The following TTN variants were observed in gnomAD, a reference collection of about 807,000 sequenced individuals.
TTN encodes the protein titin.
A neutral mutation model predicts 3,223.0 loss-of-function variants in TTN; 1,525 were observed. The ratio of observed to expected loss-of-function variants is 0.47; its 90% CI spans 0.45 to 0.49. TTN has a LOEUF of 0.49. Ranked by LOEUF, TTN falls within the 20% of genes least tolerant of loss-of-function variation. The pLI, the probability that TTN is intolerant of heterozygous loss-of-function variation, is 0.00. For missense variants in TTN, 40,786 were observed against 43,424.0 expected, an observed-to-expected ratio of 0.94 and a Z score of 5.40; for synonymous variants, 14,094 against 15,161.0, an observed-to-expected ratio of 0.93 and a Z score of 5.17.
At chr2:178,685,682 A>C in intron 127 of TTN, 84 bp from the exon 128 acceptor site, 2 of 1,360,000 alleles carry the variant, frequency 1.5e-6, no homozygotes, top group South Asian at 2.7e-5. Flanking sequence ...TTCAAAGAGT[A>C]ATCAAAATAG....
chr2:178,800,771 C>T (rs918431423), intron 3 of TTN, 89 bp from the exon 4 acceptor site: 5 of 1,432,148 alleles, frequency 3.5e-6, no homozygotes, highest in South Asian at 1.4e-5. Flanking sequence ...AATTCCAAAA[C>T]CAGGTGATGA....
At position 178,526,987 on chromosome 2, in the gene TTN, G is replaced by A. The variant is rs370597649; in HGVS notation, c.*25C>T. The A allele has an allele frequency of 1.0e-4, 163 of 1,572,358 alleles. No individual in the cohort carries two copies. The highest frequency in any genetic ancestry group is 1.4e-4 in the Non-Finnish European group (159 of 1,155,860). ...CGTTTGCGAAAAGTTAAGAATGAGT[G>A]TAGAGTATAAGGGCACAGGCCCTCT... is the stretch of plus-strand genomic sequence containing the variant. On this transcript the variant is annotated 3_prime_UTR_variant, in exon 363 of 363. Coordinates refer to ENST00000589042, the MANE Select transcript of TTN (RefSeq NM_001267550.2).
Position 178,601,370 on chromosome 2 carries a change from G to C in TTN, c.55627C>G (p.Leu18543Val), listed in dbSNP as rs374878433. ...CGSTTFVVPD[L>V]LSEQQYFFRV... is the part of the protein sequence containing the mutation. ...AAGAAATATTGCTGTTCAGAGAGGA[G>C]ATCAGGCACTACAAATGTGGTGCTT... Residue 18543 changes from leucine (L) to valine (V), a missense_variant, in exon 287 of 363, where the codon CTC becomes GTC. Transcript: ENST00000589042. 4 of 1,612,720 alleles carry C rather than the reference G, an allele frequency of 2.5e-6. No individual in the cohort carries two copies. The highest frequency in any genetic ancestry group is 3.4e-6 in the Non-Finnish European group (4 of 1,179,284).
At position 178,583,021 on chromosome 2, in the gene TTN, G is replaced by A. The variant is rs371856109; in HGVS notation, c.65782C>T (p.Arg21928Trp). 6.8e-5 allele frequency: 109 copies of A among 1,606,816 alleles called. 1 individual carries two copies. Among genetic ancestry groups the A allele is most frequent in the Admixed American group, 8.4e-5 (5 of 59,586 alleles). The change falls in exon 313 of 363, where the codon CGG becomes TGG. Residue 21928 changes from arginine (R) to tryptophan (W), a missense_variant. Arg to Trp is a moderately radical substitution (Grantham distance 101). Transcript: ENST00000589042. ...LCTLELFSVN[R>W]KDSGDYTITA... Reference sequence around the variant, plus strand: ...ATGGTATAGTCTCCTGAGTCCTTCCGGTTCACGCTGAATAGCTCCAAGGTG... The same window carrying A: ...ATGGTATAGTCTCCTGAGTCCTTCCAGTTCACGCTGAATAGCTCCAAGGTG...
Position 178,543,255 on chromosome 2 carries a change from C to T in TTN, c.96718G>A (p.Glu32240Lys), listed in dbSNP as rs374598326. ...CTCTCTGTGCCAGCTTTGCAGGCCTCGAGAACATATCCAGTGAGTCGGCTA... is the reference window on the plus strand; with the variant it reads ...CTCTCTGTGCCAGCTTTGCAGGCCTTGAGAACATATCCAGTGAGTCGGCTA... The part of the protein sequence containing the change: ...GGSRLTGYVL[E>K]ACKAGTERWM... The change falls in exon 347 of 363, where the codon GAG (glutamate) becomes AAG (lysine). Residue 32240 changes from glutamate to lysine, a missense_variant. Physicochemically the swap from Glu to Lys is moderately conservative, Grantham distance 56. Coordinates refer to ENST00000589042, the MANE Select transcript of TTN (RefSeq NM_001267550.2). The T allele has an allele frequency of 1.6e-5, 26 of 1,613,616 alleles. No individual in the cohort carries two copies. The highest frequency in any genetic ancestry group is 4.0e-5 in the African/African-American group (3 of 74,858).
chr2:178,651,554 A>G lies in TTN; in HGVS notation c.39464-18T>C. On this transcript the variant is annotated intron_variant, in intron 206 of 362. Coordinates refer to ENST00000589042, the MANE Select transcript of TTN (RefSeq NM_001267550.2). ...CTCGGGCACTATAAAAGATATTAGTAGTTGTTTAAGCTCATGGTTTCAATG... is the reference window on the plus strand; with the variant it reads ...CTCGGGCACTATAAAAGATATTAGTGGTTGTTTAAGCTCATGGTTTCAATG... 1 of 1,612,352 alleles carries G rather than the reference A, an allele frequency of 6.2e-7. No homozygotes were observed. The highest frequency in any genetic ancestry group is 8.5e-7 in the Non-Finnish European group (1 of 1,179,262).
Position 178,625,266 on chromosome 2 carries a change from T to G in TTN, c.44548+7A>C. On this transcript the variant is annotated splice_region_variant and intron_variant, in intron 241 of 362. Transcript: ENST00000589042. Reference sequence around the variant, plus strand: ...ATACATGTTTTTAAAATAAGCCTTGTAATTACCTTTCACAAAGAGGTTGGC... The same window carrying G: ...ATACATGTTTTTAAAATAAGCCTTGGAATTACCTTTCACAAAGAGGTTGGC... 6.2e-7 allele frequency: 1 copy of G among 1,604,724 alleles called. No homozygotes were observed. The highest frequency in any genetic ancestry group is 8.5e-7 in the Non-Finnish European group (1 of 1,175,898).
In TTN at chr2:178,595,683, C is replaced by T. The variant is rs779279322; in HGVS notation, c.57671G>A (p.Arg19224His). The T allele has an allele frequency of 2.8e-5, 45 of 1,608,318 alleles. No individual in the cohort carries two copies. The highest frequency in any genetic ancestry group is 9.0e-5 in the East Asian group (4 of 44,436). ...GGTCCATGCTCTGCGGTCAGATTCA[C>T]GCTTTTCAATGACATAATTGGTGAT... ...SPITNYVIEK[R>H]ESDRRAWTPV... Residue 19224 changes from arginine (R) to histidine (H), a missense_variant, in exon 295 of 363, where the codon CGT (arginine) becomes CAT (histidine). Transcript: ENST00000589042.
At position 178,570,848 on chromosome 2, in the gene TTN, T is replaced by C; in HGVS notation, c.75284A>G (p.Glu25095Gly). The change falls in exon 326 of 363, where the codon GAA becomes GGA. Residue 25095 changes from glutamate (E) to glycine (G), a missense_variant. By Grantham distance (98) the Glu-to-Gly change is moderately conservative (BLOSUM62 -2). Coordinates refer to ENST00000589042, the MANE Select transcript of TTN (RefSeq NM_001267550.2). ...TCTAGCTGTTATTGCTCCTGTGCTT[T>C]CTGAAGGCTCACTAAACACTCCTGC... Reference protein sequence around the residue: ...NAAGVFSEPSESTGAITARDE... With the variant: ...NAAGVFSEPSGSTGAITARDE... 6.2e-7 allele frequency: 1 copy of C among 1,613,552 alleles called. No homozygotes were observed. The highest frequency in any genetic ancestry group is 8.5e-7 in the Non-Finnish European group (1 of 1,179,612).
chr2:178,646,432 AT>A (rs970645004), intron 216 of TTN, 52 bp downstream of exon 216: 1 of 1,223,016 alleles, frequency 8.2e-7, no homozygotes, highest in Non-Finnish European at 1.2e-6. Flanking sequence ...AACCATATAC[AT>A]TTCAAGAGAA....
chr2:178,589,642 C>T lies in TTN; in HGVS notation c.62083G>A (p.Asp20695Asn). The T allele has an allele frequency of 4.3e-6, 7 of 1,613,480 alleles. No individual in the cohort carries two copies. Among genetic ancestry groups the T allele is most frequent in the Non-Finnish European group, 5.9e-6 (7 of 1,179,594 alleles). Residue 20695 changes from aspartate (D) to asparagine (N), a missense_variant, in exon 304 of 363, where the codon GAT (aspartate) becomes AAT (asparagine). Asp to Asn is a conservative substitution (Grantham distance 23, BLOSUM62 1). Transcript: ENST00000589042. Reference sequence around the variant, plus strand: ...TATGACAGATTTGGACTGCCACCATCATAGTCAGGCCTCCGCCACTTTAGA... The same window carrying T: ...TATGACAGATTTGGACTGCCACCATTATAGTCAGGCCTCCGCCACTTTAGA... Reference protein sequence around the residue: ...VYLKWRRPDYDGGSPNLSYHV... With the variant: ...VYLKWRRPDYNGGSPNLSYHV...
rs1413695407 is a variant in TTN, at chr2:178,664,680, C to T, written c.36176G>A (p.Arg12059Lys). Residue 12059 changes from arginine (R) to lysine (K), a missense_variant, in exon 167 of 363, where the codon AGA becomes AAA. By Grantham distance (26) the Arg-to-Lys change is conservative (BLOSUM62 2). Transcript: ENST00000589042. ...TTCATCAGGAAGGACTTCAGGCTTTCTGAGAGGAACCACAAGCGTTTTCTT... is the reference window on the plus strand; with the variant it reads ...TTCATCAGGAAGGACTTCAGGCTTTTTGAGAGGAACCACAAGCGTTTTCTT... ...PEKKTLVVPL[R>K]KPEVLPDEVP... 5 of 1,612,354 alleles carry T rather than the reference C, an allele frequency of 3.1e-6. No homozygotes were observed. The highest frequency in any genetic ancestry group is 4.2e-6 in the Non-Finnish European group (5 of 1,179,714).
intron 281 of TTN, 132 bp downstream of exon 281, chr2:178,604,576 A>G: frequency 2.9e-6 from 3 of 1,045,162 alleles, no homozygotes; most frequent in Admixed American, 6.0e-5. Flanking sequence ...GCTAAACACT[A>G]CAATAACAAA....
rs777534842 is a variant in TTN at position 178,633,840 on chromosome 2, G to A, written c.42659C>T (p.Ser14220Phe). The A allele has an allele frequency of 1.2e-6, 2 of 1,613,290 alleles. No homozygotes were observed. Among genetic ancestry groups the A allele is most frequent in the South Asian group, 2.2e-5 (2 of 91,058 alleles). Reference sequence around the variant, plus strand: ...ACCTAAGACCTTCAGCTGTGCTGTGGAGCTCAGCTCCTTGACTTGAGCTTT... The same window carrying A: ...ACCTAAGACCTTCAGCTGTGCTGTGAAGCTCAGCTCCTTGACTTGAGCTTT... ...QIKAQVKELS[S>F]TAQLKVLEAD... is the part of the protein sequence containing the mutation. Residue 14220 changes from serine to phenylalanine, a missense_variant, in exon 231 of 363, where the codon TCC (serine) becomes TTC (phenylalanine). By Grantham distance (155) the Ser-to-Phe change is radical. Transcript: ENST00000589042.
chr2:178,531,487 C>G lies in TTN; in HGVS notation c.105128G>C (p.Arg35043Pro), dbSNP rs370137295. The G allele has an allele frequency of 1.2e-6, 2 of 1,613,846 alleles. No individual in the cohort carries two copies. Among genetic ancestry groups the G allele is most frequent in the Non-Finnish European group, 1.7e-6 (2 of 1,179,894 alleles). Residue 35043 changes from arginine to proline, a missense_variant, in exon 358 of 363, where the codon CGC (arginine) becomes CCC (proline). Transcript: ENST00000589042. ...AGATCTGGGGACCTCTTCATCTCTG[C>G]GTTGGGAAGCATAGGTGGTATAATC... Reference protein sequence around the residue: ...GGDYTTYASQRRDEEVPRSVF... With the variant: ...GGDYTTYASQPRDEEVPRSVF...
At chr2:178,738,846 A>G (rs1280826386) in intron 48 of TTN, among the ~76,000 whole-genome samples, 2 of 152,196 alleles carry the variant, frequency 1.3e-5, no homozygotes, top group Non-Finnish European at 2.9e-5. Flanking sequence ...ACATATTATG[A>G]AAGTTATCTT....
chr2:178,675,807 A>G, intron 148 of TTN, 53 bp from the exon 149 acceptor site: 2 of 1,525,904 alleles, frequency 1.3e-6, no homozygotes, highest in Non-Finnish European at 1.8e-6. Context: ...CACAAAGACA[A>G]GTAGACACAG....
Position 178,562,978 on chromosome 2 carries a change from G to A in TTN, c.83154C>T (p.Asp27718=). ...AGCTGGTCACCTCTATCTGAGCCCT[G>A]TCAGTGAGAATGCCTTCTGCCTTTT... is the stretch of plus-strand genomic sequence containing the variant. ...KWEKAEGILT[D]RAQIEVTSSF... The change falls in exon 326 of 363, where the codon GAC becomes GAT. Residue 27718 remains aspartate, a synonymous_variant. Transcript: ENST00000589042. 6.2e-7 allele frequency: 1 copy of A among 1,613,682 alleles called. No homozygotes were observed. The highest frequency in any genetic ancestry group is 2.2e-5 in the East Asian group (1 of 44,814).
intron 361 of TTN, 181 bp downstream of exon 361, chr2:178,528,093 C>T (rs780285987): frequency 1.5e-6 from 1 of 688,832 alleles, no homozygotes; most frequent in Non-Finnish European, 2.3e-6. Context: ...TGTAATCTAT[C>T]CAAGTTTCTG....
Sources: allele counts gnomAD v4.1 joint callset (sites outside exome capture counted in the v4.1 genomes callset), GRCh38; gene constraint gnomAD v4.1.1; transcripts MANE v1.5; gene names NCBI Gene and HGNC (gene_info 2026-07-23, HGNC 2026-07-21).